Variants in ERCC2 observed in about 807,000 individuals in gnomAD.
ERCC2 encodes ERCC excision repair 2, TFIIH core complex helicase subunit.
In ERCC2, 90 loss-of-function variants were observed where a neutral mutation model predicts 99.4. That is an observed-to-expected ratio of 0.91 (90% CI 0.76 to 1.08). The LOEUF (loss-of-function observed/expected upper bound fraction) is 1.08. Among genes scored for constraint, ERCC2 ranks in the 50% least tolerant of loss-of-function variants. The pLI is 0.00. For synonymous variants in ERCC2, 497 were observed against 432.4 expected (o/e 1.15, Z -1.85); for missense variants, 993 against 1,038.1 (o/e 0.96, Z 0.60).
intron 2 of ERCC2, among the ~76,000 whole-genome samples, chr19:45,369,894 TC>T (rs1276091217): frequency 1.3e-5 from 2 of 152,186 alleles, no homozygotes; most frequent in East Asian, 3.9e-4. Flanking sequence ...CAGGCTGGTC[TC>T]CAACTCCTGA....
At position 45,363,863 on chromosome 19, in the gene ERCC2, A is replaced by T. The variant is rs2123286134; in HGVS notation, c.998T>A (p.Leu333Gln). The T allele has an allele frequency of 6.4e-7, 1 of 1,551,980 alleles. No individual in the cohort carries two copies. The highest frequency in any genetic ancestry group is 8.7e-7 in the Non-Finnish European group (1 of 1,155,666). ...IRTAEHFLGFLRRLLEYVKWR... is the reference protein window; with the variant it reads ...IRTAEHFLGFQRRLLEYVKWR... ...CTTCACGTACTCCAGCAGCCGCCTC[A>T]GGAAGCCCAGGAAATGCTCGGCCGT... is the stretch of plus-strand genomic sequence containing the variant. The change falls in exon 11 of 23, where the codon CTG (leucine) becomes CAG (glutamine). Residue 333 changes from leucine to glutamine, a missense_variant. Around this residue, in one of 3 missense-constraint regions of ERCC2, gnomAD observed 909 missense variants for 930.8 expected, o/e 0.98. Transcript: ENST00000391945.
chr19:45,351,028 C>T lies in ERCC2; in HGVS notation c.*601G>A, dbSNP rs749928644. 10 of 1,613,924 alleles carry T rather than the reference C, an allele frequency of 6.2e-6. No individual in the cohort carries two copies. In the South Asian group the frequency reaches 8.8e-5, roughly 14 times the overall value. On this transcript the variant is annotated 3_prime_UTR_variant, in exon 23 of 23. Coordinates refer to ENST00000391945, the MANE Select transcript of ERCC2 (RefSeq NM_000400.4). ...GCTCCTGGGACTCAGGTGAGGGGGACATCTGGGTCAAAAATAGAGGAGGCC... is the reference window on the plus strand; with the variant it reads ...GCTCCTGGGACTCAGGTGAGGGGGATATCTGGGTCAAAAATAGAGGAGGCC...
intron 17 of ERCC2, among the ~76,000 whole-genome samples, chr19:45,353,953 T>G (rs930104433): frequency 6.6e-6 from 1 of 152,188 alleles, no homozygotes; most frequent in Non-Finnish European, 1.5e-5. Flanking sequence ...AAAGGTGTCT[T>G]AAGTAGGACA....
At chr19:45,352,725 C>T (rs761591663) in intron 20 of ERCC2, 21 bp downstream of exon 20, 6 of 1,614,006 alleles carry the variant, frequency 3.7e-6, no homozygotes, top group Middle Eastern at 1.6e-4. Flanking sequence ...GTGGGACTCC[C>T]TGGGAGACAG....
chr19:45,367,394 C>T (rs991161786), intron 5 of ERCC2, among the ~76,000 whole-genome samples: 1 of 144,036 alleles, frequency 6.9e-6, no homozygotes, highest in African/African-American at 2.5e-5. Flanking sequence ...CACACACACA[C>T]ACACACATAT....
intron 12 of ERCC2, chr19:45,358,371 CA>C: frequency 5.1e-6 from 1 of 197,232 alleles, no homozygotes; most frequent in Non-Finnish European, 1.0e-5. Flanking sequence ...GCTCTGCCTC[CA>C]AAACCTACCT....
At chr19:45,353,042 T>G in intron 19 of ERCC2, 41 bp downstream of exon 19, 1 of 1,589,386 alleles carries the variant, frequency 6.3e-7, no homozygotes, top group Non-Finnish European at 8.6e-7. Context: ...TCCAGAGAGC[T>G]CTGGGAAGAC....
chr19:45,361,411 C>G, intron 12 of ERCC2, 113 bp downstream of exon 12: 1 of 820,458 alleles, frequency 1.2e-6, no homozygotes, highest in South Asian at 1.3e-5. Flanking sequence ...CCCACACTTC[C>G]AAGCCAAACC....
In ERCC2 at chr19:45,350,803, C is replaced by T; in HGVS notation, c.*826G>A. 1 of 1,268,608 alleles carries T rather than the reference C, an allele frequency of 7.9e-7. No individual in the cohort carries two copies. The allele number at this position is 1,268,608 out of a possible 1,614,324, so 78.6% of individuals were successfully genotyped here. A position where few individuals can be genotyped will look rare whatever the true frequency, so the allele number is the denominator to read the frequency against. Reference sequence around the variant, plus strand: ...TGACATCAGCAGAATCCACAGCCCACCCCACCCCCACCCCCATCTTGCTCA... The same window carrying T: ...TGACATCAGCAGAATCCACAGCCCATCCCACCCCCACCCCCATCTTGCTCA... On this transcript the variant is annotated 3_prime_UTR_variant, in exon 23 of 23. Transcript: ENST00000391945.
chr19:45,361,763 G>T, intron 11 of ERCC2, 121 bp from the exon 12 acceptor site: 1 of 773,844 alleles, frequency 1.3e-6, no homozygotes, highest in East Asian at 2.6e-5. Flanking sequence ...ACTCAGTGAG[G>T]GTGGGCACTG....
chr19:45,351,424 A>C lies in ERCC2; in HGVS notation c.*205T>G. On this transcript the variant is annotated 3_prime_UTR_variant, in exon 23 of 23. Transcript: ENST00000391945. ...GCAGGAGGGATGGGCTGGTGGGGTG[A>C]GAGGGGGTCTATCATCTCCTGGCCC... 6.3e-7 allele frequency: 1 copy of C among 1,592,970 alleles called. No individual in the cohort carries two copies. Among genetic ancestry groups the C allele is most frequent in the Non-Finnish European group, 8.5e-7 (1 of 1,172,890 alleles).
Position 45,370,270 on chromosome 19 carries a change from C to CA in ERCC2, c.6-39dup, listed in dbSNP as rs780801079. Reference sequence around the variant, plus strand: ...GCTGCTGGGTCAGTTCCCGTCCCCTCAGCCCCTCTCCCGCCTCCACAGTGC... The same window carrying CA: ...GCTGCTGGGTCAGTTCCCGTCCCCTCAAGCCCCTCTCCCGCCTCCACAGTGC... On this transcript the variant is annotated intron_variant, in intron 1 of 22. Coordinates refer to ENST00000391945, the MANE Select transcript of ERCC2 (RefSeq NM_000400.4). 5 of 1,608,150 alleles carry CA rather than the reference C, an allele frequency of 3.1e-6. No homozygotes were observed. In the African/African-American group the frequency reaches 6.7e-5, roughly 21 times the overall value.
chr19:45,366,450 A>G (rs1014239231), intron 5 of ERCC2, among the ~76,000 whole-genome samples: 2 of 152,140 alleles, frequency 1.3e-5, no homozygotes, highest in Non-Finnish European at 2.9e-5. Context: ...CCCAAAACTA[A>G]TATTTTAAAA....
chr19:45,364,414 C>G lies in ERCC2; in HGVS notation c.718+10G>C. ...GCTGGCATCCCTTTGGCCCCTGGCG[C>G]CCCCCTCACCAATGTTGTGGGCCTC... is the stretch of plus-strand genomic sequence containing the variant. On this transcript the variant is annotated intron_variant, in intron 8 of 22. Transcript: ENST00000391945. 1 of 1,613,744 alleles carries G rather than the reference C, an allele frequency of 6.2e-7. No individual in the cohort carries two copies. Among genetic ancestry groups the G allele is most frequent in the Non-Finnish European group, 8.5e-7 (1 of 1,179,940 alleles).
intron 19 of ERCC2, 87 bp from the exon 20 acceptor site, chr19:45,352,903 C>CTGAG (rs1971865249): frequency 7.3e-7 from 1 of 1,370,666 alleles, no homozygotes; most frequent in Admixed American, 1.7e-5. Flanking sequence ...GATGCTGTGT[C>CTGAG]TGAGTTGGGG....
At chr19:45,354,984 T>C in intron 16 of ERCC2, 133 bp from the exon 17 acceptor site, 1 of 1,179,190 alleles carries the variant, frequency 8.5e-7, no homozygotes, top group East Asian at 2.4e-5. Flanking sequence ...CTCCTCCTCC[T>C]CCCGGGCGTG....
intron 7 of ERCC2, 137 bp from the exon 8 acceptor site, chr19:45,364,684 T>TA (rs1972361852): frequency 7.2e-7 from 1 of 1,396,256 alleles, no homozygotes; most frequent in Non-Finnish European, 1.0e-6. Flanking sequence ...AGCAGATGGA[T>TA]AGAGACAGAC....
rs983369993 is a variant in ERCC2 at position 45,363,767 on chromosome 19, A to G, written c.1094T>C (p.Val365Ala). The G allele has an allele frequency of 1.3e-5, 20 of 1,536,338 alleles. No homozygotes were observed. Among genetic ancestry groups the G allele is most frequent in the Non-Finnish European group, 1.7e-5 (20 of 1,147,714 alleles). Reference protein sequence around the residue: ...PAFLSGLAQRVCIQRKPLRFC... With the variant: ...PAFLSGLAQRACIQRKPLRFC... ...CCTGAGGGGCTTGCGCTGGATGCAC[A>G]CGCGCTGGGCCAGGCCGCTCAGGAA... is the stretch of plus-strand genomic sequence containing the variant. The change falls in exon 11 of 23, where the codon GTG becomes GCG. Residue 365 changes from valine to alanine, a missense_variant. Val to Ala is a moderately conservative substitution (Grantham distance 64). Coordinates refer to ENST00000391945, the MANE Select transcript of ERCC2 (RefSeq NM_000400.4).
At chr19:45,355,879 ACCTGGCCTCAAGTGACCATCCCGC>A (rs1971996391) in intron 15 of ERCC2, 151 bp from the exon 16 acceptor site, 1 of 701,520 alleles carries the variant, frequency 1.4e-6, no homozygotes, top group African/African-American at 1.8e-5. Flanking sequence ...GATCTTGAAC[ACCTGGCCTCAAGTGACCATCCCGC>A]CTTGGCCTCC....
Sources: allele counts gnomAD v4.1 joint callset (sites outside exome capture counted in the v4.1 genomes callset), GRCh38; gene constraint gnomAD v4.1.1; regional missense constraint gnomAD v4.1.1; transcripts MANE v1.5; gene names NCBI Gene and HGNC (gene_info 2026-07-23, HGNC 2026-07-21).